CUX1: variants seen among roughly 807,000 people sequenced by gnomAD.
CUX1 encodes cut like homeobox 1, also known as protein CASP.
In CUX1, 31 loss-of-function variants were observed where a neutral mutation model predicts 158.8. The observed-to-expected ratio is 0.20, with a 90% confidence interval of 0.15 to 0.26. The LOEUF (loss-of-function observed/expected upper bound fraction) is 0.26, where lower values mean the gene tolerates loss of function less well. CUX1 is among the 10% of genes least tolerant of loss of function. CUX1 has a pLI of 1.00. For synonymous variants in CUX1, 879 were observed against 862.1 expected (o/e 1.02, Z -0.34); for missense variants, 1,589 against 2,014.6 (o/e 0.79, Z 4.04).
chr7:102,142,639 TA>T (rs1214473472), intron 8 of CUX1, among the ~76,000 whole-genome samples: 1 of 126,146 alleles, frequency 7.9e-6, no homozygotes, highest in Non-Finnish European at 1.7e-5. Flanking sequence ...AAAAATAAAT[TA>T]GCCATGTGTA....
At chr7:101,991,190 T>TA (rs1815066188) in intron 2 of CUX1, among the ~76,000 whole-genome samples, 2 of 151,866 alleles carry the variant, frequency 1.3e-5, no homozygotes. Context: ...AAAAATACCG[T>TA]AAAAAAGAAA....
chr7:101,854,681 T>G (rs547770415), intron 1 of CUX1, among the ~76,000 whole-genome samples: 1 of 152,360 alleles, frequency 6.6e-6, no homozygotes, highest in East Asian at 1.9e-4. Flanking sequence ...CAGTGATGGT[T>G]CTGCCTGTTT....
At chr7:101,855,919 C>T (rs1796751771) in intron 1 of CUX1, among the ~76,000 whole-genome samples, 1 of 149,910 alleles carries the variant, frequency 6.7e-6, no homozygotes, top group Admixed American at 6.7e-5. Context: ...TGGTTTAGCG[C>T]CTGTAATCCC....
chr7:101,947,356 T>C (rs1451926654), intron 2 of CUX1, among the ~76,000 whole-genome samples: 2 of 152,148 alleles, frequency 1.3e-5, no homozygotes, highest in African/African-American at 4.8e-5. Flanking sequence ...ATCATGCCAC[T>C]GCACTCCAGC....
chr7:102,257,317 T>TC lies in CUX1; in HGVS notation c.*8276dup. Reference sequence around the variant, plus strand: ...ATCTCCCCAGAAGCCTTTTTTTTTTTCATTTTTCTCTAATTAGTCTATGCA... The same window carrying TC: ...ATCTCCCCAGAAGCCTTTTTTTTTTTCCATTTTTCTCTAATTAGTCTATGCA... On this transcript the variant is annotated 3_prime_UTR_variant, in exon 24 of 24. Transcript: ENST00000292535. 5.1e-6 allele frequency: 5 copies of TC among 984,802 alleles called. No individual in the cohort carries two copies. The highest frequency in any genetic ancestry group is 6.0e-6 in the Non-Finnish European group (5 of 829,766). The allele number at this position is 984,802 out of a possible 1,614,324, so 61.0% of individuals were successfully genotyped here.
intron 5 of CUX1, among the ~76,000 whole-genome samples, chr7:102,101,326 G>A (rs1829754143): frequency 6.6e-6 from 1 of 152,192 alleles, no homozygotes; most frequent in South Asian, 2.1e-4. Flanking sequence ...ATTCCTCTCT[G>A]TTATGCTGGC....
intron 2 of CUX1, among the ~76,000 whole-genome samples, chr7:101,922,720 A>G (rs1805096832): frequency 6.6e-6 from 1 of 152,102 alleles, no homozygotes; most frequent in Admixed American, 6.5e-5. Flanking sequence ...CCAAGGCCTG[A>G]CCGCTGGGCA....
chr7:102,171,440 T>G lies in CUX1; in HGVS notation c.828+890T>G, dbSNP rs529585525. On this transcript the variant is annotated intron_variant, in intron 10 of 23. Coordinates refer to ENST00000292535, the MANE Select transcript of CUX1 (RefSeq NM_181552.4). ...TTATCTCTGATCCCTCAGTTTTGGG[T>G]TTTTTTTTTTTTTCTTTTTTTTTCT... Among the ~76,000 whole-genome samples, 687 of 138,892 alleles carry G rather than the reference T, an allele frequency of 4.9e-3. 8 individuals carry two copies. The highest frequency in any genetic ancestry group is 0.018 in the African/African-American group (648 of 36,970). 91.1% of individuals were successfully genotyped at this position (138,892 alleles called of 152,430 possible).
At chr7:102,099,838 C>G (rs1181894603) in intron 5 of CUX1, among the ~76,000 whole-genome samples, 1 of 152,100 alleles carries the variant, frequency 6.6e-6, no homozygotes, top group Non-Finnish European at 1.5e-5. Flanking sequence ...CCTTCTATCA[C>G]TGGTGCCTAA....
At chr7:101,946,962 C>T (rs1808458054) in intron 2 of CUX1, among the ~76,000 whole-genome samples, 1 of 152,236 alleles carries the variant, frequency 6.6e-6, no homozygotes, top group Middle Eastern at 3.4e-3. Context: ...AGAGGAGCCA[C>T]AGAAGGCCCG....
At chr7:102,268,559 C>T (rs1233794926) in intron 14 of CUX1, among the ~76,000 whole-genome samples, 1 of 152,194 alleles carries the variant, frequency 6.6e-6, no homozygotes, top group Non-Finnish European at 1.5e-5. Flanking sequence ...AGCACTGTCT[C>T]AGGACCTGTC....
intron 10 of CUX1, among the ~76,000 whole-genome samples, chr7:102,172,218 A>G (rs1554510635): frequency 6.6e-6 from 1 of 151,772 alleles, no homozygotes; most frequent in Non-Finnish European, 1.5e-5. Context: ...CAGCCTCCCA[A>G]CTAGCTGGAG....
chr7:102,204,526 C>G lies in CUX1; in HGVS notation c.3043C>G (p.Leu1015Val), dbSNP rs782198405. ...GAACGGCGAGCTAGGCCAGGGTGTT[C>G]TACCCGTCCAGGGCCAGCAGCAAGG... ...WLNGELGQGV[L>V]PVQGQQQGPV... The change falls in exon 19 of 24, where the codon CTA becomes GTA. Residue 1015 changes from leucine to valine, a missense_variant. By Grantham distance (32) the Leu-to-Val change is conservative. Coordinates refer to ENST00000292535, the MANE Select transcript of CUX1 (RefSeq NM_181552.4). 16 of 1,613,488 alleles carry G rather than the reference C, an allele frequency of 9.9e-6. No individual in the cohort carries two copies. The highest frequency in any genetic ancestry group is 1.2e-5 in the Non-Finnish European group (14 of 1,180,016).
chr7:102,145,086 TA>T (rs59225537), intron 8 of CUX1, among the ~76,000 whole-genome samples: 21,059 of 118,686 alleles, frequency 0.18, 2,115 homozygotes, highest in African/African-American at 0.33. Context: ...GACTCCGTCT[TA>T]AAAAAAAAAA....
intron 4 of CUX1, among the ~76,000 whole-genome samples, chr7:102,095,915 G>A (rs1383090772): frequency 6.6e-6 from 1 of 152,222 alleles, no homozygotes; most frequent in Non-Finnish European, 1.5e-5. Flanking sequence ...TGCCTCTTAG[G>A]CAGCAGAAAG....
At chr7:101,816,186 G>A (rs868087652), upstream of CUX1, 1 of 493,498 alleles carries the variant, frequency 2.0e-6, no homozygotes, top group Non-Finnish European at 2.6e-6. Context: ...CCCAGCCGCC[G>A]GGGGGCCCGC....
intron 21 of CUX1, among the ~76,000 whole-genome samples, chr7:102,227,959 T>C (rs1349764857): frequency 2.7e-5 from 4 of 145,888 alleles, no homozygotes; most frequent in African/African-American, 1.0e-4. Context: ...TTCTTTTTTT[T>C]TTTTTTTTTT....
chr7:102,205,392 C>A (rs1211179599), intron 20 of CUX1, among the ~76,000 whole-genome samples: 3 of 152,164 alleles, frequency 2.0e-5, no homozygotes, highest in Non-Finnish European at 4.4e-5. Context: ...ATTTGCACGC[C>A]CACTGTCATC....
intron 2 of CUX1, among the ~76,000 whole-genome samples, chr7:101,930,162 A>C (rs937343381): frequency 8.5e-5 from 13 of 152,174 alleles, no homozygotes; most frequent in African/African-American, 3.1e-4. Context: ...ATTTTTAGTC[A>C]CTTAACCATT....
Sources: allele counts gnomAD v4.1 joint callset (sites outside exome capture counted in the v4.1 genomes callset), GRCh38; gene constraint gnomAD v4.1.1; transcripts MANE v1.5; gene names NCBI Gene and HGNC (gene_info 2026-07-23, HGNC 2026-07-21).